OSMR: variants seen among roughly 807,000 people sequenced by gnomAD.
OSMR encodes the protein oncostatin M receptor, also known as oncostatin-M-specific receptor subunit beta.
OSMR carries 81 observed loss-of-function variants against 99.9 expected under a neutral mutation model. That is an observed-to-expected ratio of 0.81 (90% CI 0.68 to 0.97). The LOEUF is 0.97. OSMR is among the 50% of genes least tolerant of loss of function. The pLI is 0.00. For missense variants in OSMR, 1,099 were observed against 1,153.4 expected (o/e 0.95, Z 0.68); for synonymous variants, 406 against 410.4 (o/e 0.99, Z 0.13).
rs78578053 is a variant in OSMR at position 38,917,332 on chromosome 5, A to G, written c.1286-214A>G. The G allele has an allele frequency of 2.8e-3, 2,070 of 748,740 alleles. 42 individuals carry two copies. The African/African-American group carries it at 0.038, about 14-fold the overall frequency. 46.4% of individuals were successfully genotyped at this position (748,740 alleles called of 1,614,324 possible). A position where few individuals can be genotyped will look rare whatever the true frequency, so the allele number is the denominator to read the frequency against. ...TTATAAAGGCTTTCAGAGGCAGCTG[A>G]CCTTTTTATAAAGCACTGTACTGTG... is the stretch of plus-strand genomic sequence containing the variant. On this transcript the variant is annotated intron_variant, in intron 9 of 17. Transcript: ENST00000274276.
intron 7 of OSMR, among the ~76,000 whole-genome samples, chr5:38,898,408 T>C (rs1028305129): frequency 2.6e-5 from 4 of 152,346 alleles, no homozygotes; most frequent in Admixed American, 2.6e-4. Context: ...CTGGCATAAG[T>C]AAAGCTACTC....
rs1191230532 is a variant in OSMR, at chr5:38,861,986, T to A, written c.-13-7046T>A. On this transcript the variant is annotated intron_variant, in intron 1 of 17. Transcript: ENST00000274276. ...CGGGCGGGGGACTGACCCCCTCACC[T>A]CCCTCCCGGACGGGGCGGCTGGCCG... Among the ~76,000 whole-genome samples the A allele has an allele frequency of 4.8e-4, 55 of 114,314 alleles. 2 individuals carry two copies. The highest frequency in any genetic ancestry group is 8.1e-4 in the Non-Finnish European group (45 of 55,778). The allele number at this position is 114,314 out of a possible 152,430, so 75.0% of individuals were successfully genotyped here. A position where few individuals can be genotyped will look rare whatever the true frequency, so the allele number is the denominator to read the frequency against.
rs1220599507 is a variant in OSMR, at chr5:38,934,826, C to CATTT, written c.*1387_*1390dup. On this transcript the variant is annotated 3_prime_UTR_variant, in exon 18 of 18. Coordinates refer to ENST00000274276, the MANE Select transcript of OSMR (RefSeq NM_003999.3). ...AGCCTATTTGTCACATTATTTGTCA[C>CATTT]ATTTATTTTACTTTTATTTATTTTT... The CATTT allele has an allele frequency of 2.6e-5, 4 of 151,106 alleles. No homozygotes were observed. Among genetic ancestry groups the CATTT allele is most frequent in the African/African-American group, 9.7e-5 (4 of 41,040 alleles). 9.4% of individuals were successfully genotyped at this position (151,106 alleles called of 1,614,324 possible).
chr5:38,894,491 G>A (rs1744364097), intron 7 of OSMR, among the ~76,000 whole-genome samples: 1 of 151,730 alleles, frequency 6.6e-6, no homozygotes, highest in Non-Finnish European at 1.5e-5. Context: ...CAAAGTAAAG[G>A]GTTGGAGAAA....
At chr5:38,915,125 A>C (rs1196184891) in intron 9 of OSMR, among the ~76,000 whole-genome samples, 2 of 152,244 alleles carry the variant, frequency 1.3e-5, no homozygotes, top group East Asian at 3.8e-4. Context: ...GTTTCACATG[A>C]ATGAGTTATA....
chr5:38,929,305 T>C (rs567686000), intron 15 of OSMR, among the ~76,000 whole-genome samples: 281 of 152,348 alleles, frequency 1.8e-3, no homozygotes, highest in Non-Finnish European at 3.2e-3. Context: ...ATCCTTTCTC[T>C]TTGTAAATTG....
chr5:38,856,538 G>C (rs1241579892), intron 1 of OSMR, among the ~76,000 whole-genome samples: 1 of 145,398 alleles, frequency 6.9e-6, no homozygotes, highest in Non-Finnish European at 1.5e-5. Context: ...ACTGATGACA[G>C]AAGAAAACAG....
chr5:38,890,922 G>T (rs1000297260), intron 7 of OSMR, among the ~76,000 whole-genome samples: 1 of 152,024 alleles, frequency 6.6e-6, no homozygotes, highest in Non-Finnish European at 1.5e-5. Context: ...CAGAATACTT[G>T]GCATGCCCGA....
intron 7 of OSMR, among the ~76,000 whole-genome samples, chr5:38,897,516 A>G (rs1477339989): frequency 2.0e-5 from 3 of 151,516 alleles, no homozygotes; most frequent in Non-Finnish European, 4.4e-5. Context: ...CTTTGATTTT[A>G]TTTATTTGGG....
rs146173070 is a variant in OSMR at position 38,880,194 on chromosome 5, G to A, written c.247-1399G>A. Among the ~76,000 whole-genome samples the A allele has an allele frequency of 4.7e-4, 71 of 152,300 alleles. 1 individual carries two copies. The East Asian group carries it at 0.012, about 25-fold the overall frequency. On this transcript the variant is annotated intron_variant, in intron 3 of 17. Coordinates refer to ENST00000274276, the MANE Select transcript of OSMR (RefSeq NM_003999.3). ...TTTCAAGTTTGTGACCTGAATAGGG[G>A]GCAGACATAATTAGTAGAAGGCATC...
Position 38,924,582 on chromosome 5 carries a change from GGCA to G in OSMR, c.2033_2035del (p.Ala678del), listed in dbSNP as rs1370042830. On this transcript the variant is annotated inframe_deletion, in exon 14 of 18. Coordinates refer to ENST00000274276, the MANE Select transcript of OSMR (RefSeq NM_003999.3). ...GGCAGTGCCACCCACGATTTGAAAA[GGCA>G]GTTCTTTCAGGTGACATCTATTTTT... The G allele has an allele frequency of 3.7e-6, 6 of 1,611,524 alleles. No individual in the cohort carries two copies. The highest frequency in any genetic ancestry group is 2.7e-5 in the African/African-American group (2 of 74,870).
chr5:38,893,685 C>G (rs1167734606), intron 7 of OSMR, among the ~76,000 whole-genome samples: 2 of 152,046 alleles, frequency 1.3e-5, no homozygotes, highest in Non-Finnish European at 2.9e-5. Context: ...TGTAAAGCCA[C>G]TAAACATACA....
intron 7 of OSMR, among the ~76,000 whole-genome samples, chr5:38,898,784 T>A (rs577374106): frequency 7.9e-5 from 12 of 152,146 alleles, no homozygotes; most frequent in East Asian, 5.8e-4. Flanking sequence ...CATATTTTTT[T>A]AAAAATTTGA....
chr5:38,875,550 TA>T (rs1485857598), intron 2 of OSMR, among the ~76,000 whole-genome samples: 2 of 152,266 alleles, frequency 1.3e-5, no homozygotes, highest in Non-Finnish European at 2.9e-5. Flanking sequence ...GTCATACCAC[TA>T]ACTAGTCTAA....
Position 38,934,865 on chromosome 5 carries a change from C to T in OSMR, c.*1421C>T, listed in dbSNP as rs1043039735. On this transcript the variant is annotated 3_prime_UTR_variant, in exon 18 of 18. Coordinates refer to ENST00000274276, the MANE Select transcript of OSMR (RefSeq NM_003999.3). ...TTATTTATTTTTTGAGATGAAATTT[C>T]GCTCTTGTTGCCCAGGCTGGAGTGC... 2 of 151,946 alleles carry T rather than the reference C, an allele frequency of 1.3e-5. No individual in the cohort carries two copies. The highest frequency in any genetic ancestry group is 2.9e-5 in the Non-Finnish European group (2 of 68,068). The allele number at this position is 151,946 out of a possible 1,614,324, so 9.4% of individuals were successfully genotyped here. A position where few individuals can be genotyped will look rare whatever the true frequency, so the allele number is the denominator to read the frequency against.
At chr5:38,857,719 G>A (rs1398357200) in intron 1 of OSMR, among the ~76,000 whole-genome samples, 3 of 151,714 alleles carry the variant, frequency 2.0e-5, no homozygotes, top group Non-Finnish European at 2.9e-5. Flanking sequence ...CTAGGCTGGA[G>A]TGCAATGGTG....
In OSMR at chr5:38,889,202, A is replaced by G. The variant is rs147319902; in HGVS notation, c.991+3012A>G. On this transcript the variant is annotated intron_variant, in intron 7 of 17. Transcript: ENST00000274276. ...ATTCTTTCAATATGTAGTATCAAAT[A>G]TTTTTTTAATTCAGGAAGTTTTTTG... 7.9e-5 allele frequency among the ~76,000 whole-genome samples: 12 copies of G among 151,874 alleles called. No individual in the cohort carries two copies. In the East Asian group the frequency reaches 2.3e-3, roughly 29 times the overall value.
intron 2 of OSMR, among the ~76,000 whole-genome samples, chr5:38,870,957 A>G (rs1390400642): frequency 6.6e-6 from 1 of 152,222 alleles, no homozygotes; most frequent in African/African-American, 2.4e-5. Context: ...GCTTCTAAGC[A>G]TATCATTATT....
chr5:38,939,628 T>C (rs1317821313), downstream of OSMR: 1 of 231,350 alleles, frequency 4.3e-6, no homozygotes, highest in Non-Finnish European at 8.5e-6. Flanking sequence ...AACAATTCAC[T>C]TTACGATTAG....
Sources: gnomAD v4.1 joint callset for allele counts (sites outside exome capture counted in the v4.1 genomes callset) on GRCh38, gnomAD v4.1.1 for gene constraint, MANE v1.5 for transcripts, NCBI Gene and HGNC (gene_info 2026-07-23, HGNC 2026-07-21) for gene names.